The following FRMPD4 variants were observed in gnomAD, a reference collection of about 807,000 sequenced individuals.
The protein encoded by FRMPD4 is FERM and PDZ domain containing 4, also known as FERM and PDZ domain-containing protein 4.
FRMPD4 carries 22 observed loss-of-function variants against 94.1 expected under a neutral mutation model. That is an observed-to-expected ratio of 0.23 (90% CI 0.17 to 0.33). The LOEUF (loss-of-function observed/expected upper bound fraction) is 0.33. FRMPD4 is among the 10% of genes least tolerant of loss of function. FRMPD4 has a pLI of 1.00. For synonymous variants in FRMPD4, 631 were observed against 548.6 expected (o/e 1.15, Z -2.10); for missense variants, 1,111 against 1,339.9 (o/e 0.83, Z 2.67).
At chrX:12,007,652 C>T (rs1418708757) in intron 3 of FRMPD4, among the ~76,000 whole-genome samples, 7 of 111,866 alleles carry the variant, frequency 6.3e-5, no homozygotes, top group Non-Finnish European at 1.3e-4. Flanking sequence ...ACACTGTTGC[C>T]TTCCTTCCTC....
intron 3 of FRMPD4, among the ~76,000 whole-genome samples, chrX:12,125,769 A>G (rs1045138827): frequency 8.9e-6 from 1 of 112,190 alleles, no homozygotes; most frequent in Non-Finnish European, 1.9e-5. Context: ...CAAGAGTTCA[A>G]ATGTTAGCTT....
intron 4 of FRMPD4, among the ~76,000 whole-genome samples, chrX:12,671,033 G>T (rs2059836619): frequency 8.9e-6 from 1 of 112,273 alleles, no homozygotes; most frequent in Admixed American, 9.4e-5. Context: ...AAACCACAAT[G>T]AGATACCATC....
chrX:12,528,279 T>C (rs2058245828), intron 2 of FRMPD4, among the ~76,000 whole-genome samples: 1 of 108,548 alleles, frequency 9.2e-6, no homozygotes, highest in Non-Finnish European at 1.9e-5. Context: ...CTTATCTTCC[T>C]CACAGTAGCC....
intron 11 of FRMPD4, among the ~76,000 whole-genome samples, chrX:12,705,192 T>C (rs2041854658): frequency 8.9e-6 from 1 of 112,345 alleles, no homozygotes; most frequent in Non-Finnish European, 1.9e-5. Flanking sequence ...AAAATCTTTT[T>C]ATGCTTTTGT....
chrX:12,560,696 G>A (rs2058646457), intron 2 of FRMPD4, among the ~76,000 whole-genome samples: 1 of 95,372 alleles, frequency 1.0e-5, no homozygotes, highest in African/African-American at 3.8e-5. Flanking sequence ...TCACTTCCTA[G>A]CATCTCAGAG....
chrX:11,838,554 C>T (rs1373463475), intron 1 of FRMPD4, among the ~76,000 whole-genome samples: 1 of 111,003 alleles, frequency 9.0e-6, no homozygotes, highest in African/African-American at 3.3e-5. Flanking sequence ...AGTTGTGTAA[C>T]TATCATTTCA....
intron 3 of FRMPD4, among the ~76,000 whole-genome samples, chrX:11,909,112 G>A (rs186927614): frequency 0.014 from 1,514 of 111,722 alleles, 19 homozygotes; most frequent in African/African-American, 0.047. Flanking sequence ...TCCTGGAAAA[G>A]TTTGTGTATA....
In FRMPD4 at chrX:12,723,451, C is replaced by T. The variant is rs2042277129; in HGVS notation, c.*1593C>T. The T allele has an allele frequency of 1.8e-5, 2 of 111,431 alleles. No individual in the cohort carries two copies. The highest frequency in any genetic ancestry group is 3.8e-4 in the South Asian group (1 of 2,622). 9.2% of individuals were successfully genotyped at this position (111,431 alleles called of 1,213,427 possible). A position where few individuals can be genotyped will look rare whatever the true frequency, so the allele number is the denominator to read the frequency against. ...TCCACAGGGACTCAACAACAAAAGCCGCACGTGGTTATGGATGGCAGCAAA... is the reference window on the plus strand; with the variant it reads ...TCCACAGGGACTCAACAACAAAAGCTGCACGTGGTTATGGATGGCAGCAAA... On this transcript the variant is annotated 3_prime_UTR_variant, in exon 17 of 17. Transcript: ENST00000675598.
In FRMPD4 at chrX:12,498,442, C is replaced by T. The variant is rs1320318446; in HGVS notation, c.42-238C>T. On this transcript the variant is annotated intron_variant, in intron 1 of 16. Coordinates refer to ENST00000675598, the MANE Select transcript of FRMPD4 (RefSeq NM_001368397.1). ...CACATGGAGTTACTTCCTCTTTCTTCTTGATCTTGGAAAGGCAGGCACCTA... is the reference window on the plus strand; with the variant it reads ...CACATGGAGTTACTTCCTCTTTCTTTTTGATCTTGGAAAGGCAGGCACCTA... Among the ~76,000 whole-genome samples, 12 of 111,457 alleles carry T rather than the reference C, an allele frequency of 1.1e-4. No homozygotes were observed. In the South Asian group the frequency reaches 3.9e-3, roughly 36 times the overall value.
intron 1 of FRMPD4, among the ~76,000 whole-genome samples, chrX:12,481,942 CAAAAAAAAAAAAA>C (rs56366427): frequency 6.5e-3 from 75 of 11,583 alleles, no homozygotes; most frequent in South Asian, 0.022. Context: ...GACTACATCT[CAAAAAAAAAAAAA>C]AAAAAAAAAA....
chrX:12,327,803 A>T (rs941937390), intron 1 of FRMPD4, among the ~76,000 whole-genome samples: 1 of 110,908 alleles, frequency 9.0e-6, no homozygotes, highest in African/African-American at 3.3e-5. Flanking sequence ...GAGAAAAAAA[A>T]AAAAACGATT....
intron 3 of FRMPD4, among the ~76,000 whole-genome samples, chrX:12,049,241 G>A (rs764059628): frequency 5.4e-5 from 6 of 110,765 alleles, no homozygotes; most frequent in Non-Finnish European, 1.1e-4. Flanking sequence ...TTATTTTTTT[G>A]TGTGGCTGTT....
In FRMPD4 at chrX:12,452,839, C is replaced by T. The variant is rs764613002; in HGVS notation, c.42-45841C>T. 4.5e-5 allele frequency among the ~76,000 whole-genome samples: 5 copies of T among 111,625 alleles called. No homozygotes were observed. In the South Asian group the frequency reaches 1.9e-3, roughly 42 times the overall value. ...GGGCTTCCTGTAGCTTGGTGAATTA[C>T]CACCTCAAAACTGCCTTACACGTTG... On this transcript the variant is annotated intron_variant, in intron 1 of 16. Coordinates refer to ENST00000675598, the MANE Select transcript of FRMPD4 (RefSeq NM_001368397.1).
intron 1 of FRMPD4, chrX:12,495,071 TA>T: frequency 1.6e-6 from 1 of 639,450 alleles, no homozygotes; most frequent in Non-Finnish European, 1.9e-6. Flanking sequence ...GGATTTCTGG[TA>T]AAAAACTTTC....
chrX:12,129,843 C>G (rs2055533467), intron 3 of FRMPD4, among the ~76,000 whole-genome samples: 1 of 111,698 alleles, frequency 9.0e-6, no homozygotes, highest in Admixed American at 9.5e-5. Flanking sequence ...TGTTGTAAAG[C>G]CTGAGATGAC....
At chrX:12,272,824 C>G (rs1228799710) in intron 1 of FRMPD4, among the ~76,000 whole-genome samples, 1 of 111,769 alleles carries the variant, frequency 8.9e-6, no homozygotes, top group Non-Finnish European at 1.9e-5. Flanking sequence ...AATCCTAACA[C>G]TTTGGAGGGC....
rs756273347 is a variant in FRMPD4 at position 12,474,367 on chromosome X, T to C, written c.42-24313T>C. On this transcript the variant is annotated intron_variant, in intron 1 of 16. Transcript: ENST00000675598. Reference sequence around the variant, plus strand: ...CCCACAAGAGAAAGCAGGAAAGATCTAAAATCAAGACCCTAATATCACAAT... The same window carrying C: ...CCCACAAGAGAAAGCAGGAAAGATCCAAAATCAAGACCCTAATATCACAAT... 2.3e-3 allele frequency among the ~76,000 whole-genome samples: 255 copies of C among 110,686 alleles called. 1 individual carries two copies. The highest frequency in any genetic ancestry group is 7.9e-3 in the African/African-American group (239 of 30,157).
At chrX:12,049,785 T>C (rs1361177974) in intron 3 of FRMPD4, among the ~76,000 whole-genome samples, 1 of 111,283 alleles carries the variant, frequency 9.0e-6, no homozygotes, top group Non-Finnish European at 1.9e-5. Context: ...GTGGGACAAG[T>C]TGGGAAGGTG....
intron 1 of FRMPD4, among the ~76,000 whole-genome samples, chrX:12,219,738 C>T (rs2056843412): frequency 8.9e-6 from 1 of 112,019 alleles, no homozygotes; most frequent in Non-Finnish European, 1.9e-5. Flanking sequence ...GCTAGCAGTA[C>T]AGACATTATA....
Sources: gnomAD v4.1 joint callset for allele counts (sites outside exome capture counted in the v4.1 genomes callset) on GRCh38, gnomAD v4.1.1 for gene constraint, MANE v1.5 for transcripts, NCBI Gene and HGNC (gene_info 2026-07-23, HGNC 2026-07-21) for gene names.